The following GRID2 variants were observed in gnomAD, a reference collection of about 807,000 sequenced individuals.
The protein encoded by GRID2 is glutamate ionotropic receptor delta type subunit 2, also known as glutamate receptor ionotropic, delta-2.
In GRID2, 33 loss-of-function variants were observed where a neutral mutation model predicts 114.8. That is an observed-to-expected ratio of 0.29 (90% confidence interval 0.22 to 0.38). The LOEUF is 0.38. Ranked by LOEUF, GRID2 falls within the 10% of genes least tolerant of loss-of-function variation. The pLI is 1.00. For synonymous variants in GRID2, 505 were observed against 449.9 expected, an observed-to-expected ratio of 1.12 and a Z score of -1.55; for missense variants, 1,184 against 1,257.7, an observed-to-expected ratio of 0.94 and a Z score of 0.89.
chr4:93,451,371 A>C (rs902619938), intron 10 of GRID2, among the ~76,000 whole-genome samples: 1 of 152,120 alleles, frequency 6.6e-6, no homozygotes, highest in South Asian at 2.1e-4. Flanking sequence ...TCAAGCTGAC[A>C]TATAGATATA....
At chr4:93,328,695 A>G (rs1230460446) in intron 8 of GRID2, among the ~76,000 whole-genome samples, 1 of 149,574 alleles carries the variant, frequency 6.7e-6, no homozygotes, top group Non-Finnish European at 1.5e-5. Flanking sequence ...GCATGGATGG[A>G]TGGATGGATG....
intron 14 of GRID2, among the ~76,000 whole-genome samples, chr4:93,676,753 C>CA (rs1240505682): frequency 0.032 from 3,687 of 114,020 alleles, 59 homozygotes; most frequent in African/African-American, 0.047. Flanking sequence ...AAAGATATTA[C>CA]AAAAAAAAAA....
chr4:93,342,371 G>A (rs1181112909), intron 8 of GRID2, among the ~76,000 whole-genome samples: 1 of 151,810 alleles, frequency 6.6e-6, no homozygotes, highest in East Asian at 1.9e-4. Context: ...ATTTCCCAGG[G>A]CTATGTATTT....
At chr4:92,479,372 A>G (rs543085277) in intron 1 of GRID2, among the ~76,000 whole-genome samples, 1 of 152,152 alleles carries the variant, frequency 6.6e-6, no homozygotes, top group Admixed American at 6.6e-5. Context: ...AATTTTACCT[A>G]TTACAAACTG....
chr4:92,325,913 A>G (rs1726569576), intron 1 of GRID2, among the ~76,000 whole-genome samples: 1 of 151,792 alleles, frequency 6.6e-6, no homozygotes, highest in African/African-American at 2.4e-5. Flanking sequence ...CTTTATTTAA[A>G]CAATTATCCA....
At chr4:93,144,659 A>T (rs1023109515) in intron 4 of GRID2, among the ~76,000 whole-genome samples, 7 of 152,222 alleles carry the variant, frequency 4.6e-5, no homozygotes, top group African/African-American at 1.7e-4. Flanking sequence ...GAAGCAAAAC[A>T]TAAATGACAG....
chr4:93,076,955 T>G (rs1729383443), intron 2 of GRID2, among the ~76,000 whole-genome samples: 1 of 152,196 alleles, frequency 6.6e-6, no homozygotes, highest in South Asian at 2.1e-4. Flanking sequence ...TCATTCCTGC[T>G]TAGTCTCTTC....
chr4:92,370,983 G>A (rs1380371642), intron 1 of GRID2, among the ~76,000 whole-genome samples: 1 of 152,094 alleles, frequency 6.6e-6, no homozygotes, highest in Non-Finnish European at 1.5e-5. Flanking sequence ...GCTGATATGA[G>A]GAAAGTTTTA....
chr4:92,404,503 A>C (rs995764812), intron 1 of GRID2, among the ~76,000 whole-genome samples: 1 of 152,226 alleles, frequency 6.6e-6, no homozygotes, highest in African/African-American at 2.4e-5. Context: ...TAGAACCAGA[A>C]ATACCATTAG....
intron 2 of GRID2, among the ~76,000 whole-genome samples, chr4:92,738,247 C>T (rs756611525): frequency 2.0e-5 from 3 of 152,042 alleles, no homozygotes; most frequent in Non-Finnish European, 2.9e-5. Flanking sequence ...ACTTGTATAT[C>T]ATAAGCTCTC....
chr4:93,403,541 T>TA (rs1015020242), intron 9 of GRID2, among the ~76,000 whole-genome samples: 5 of 151,680 alleles, frequency 3.3e-5, no homozygotes, highest in Admixed American at 2.6e-4. Flanking sequence ...TAAACAAAAT[T>TA]AAAAAAAATT....
At chr4:92,365,325 T>C (rs1397228083) in intron 1 of GRID2, among the ~76,000 whole-genome samples, 3 of 152,048 alleles carry the variant, frequency 2.0e-5, no homozygotes, top group African/African-American at 7.2e-5. Context: ...TTATTTTATT[T>C]GGGATGGCAT....
chr4:93,431,547 G>C (rs1002103668), intron 10 of GRID2, among the ~76,000 whole-genome samples: 1 of 152,184 alleles, frequency 6.6e-6, no homozygotes, highest in Non-Finnish European at 1.5e-5. Context: ...GGAGTTGTTG[G>C]TTACCCAAGC....
At position 92,387,718 on chromosome 4, in the gene GRID2, G is replaced by C. The variant is rs1170709766; in HGVS notation, c.88+82974G>C. Among the ~76,000 whole-genome samples the C allele has an allele frequency of 2.6e-5, 4 of 151,986 alleles. 1 individual carries two copies. Among genetic ancestry groups the C allele is most frequent in the African/African-American group, 9.7e-5 (4 of 41,416 alleles). On this transcript the variant is annotated intron_variant, in intron 1 of 15. Coordinates refer to ENST00000282020, the MANE Select transcript of GRID2 (RefSeq NM_001510.4). ...AATTCAGAAGCCATTACTAGAACAA[G>C]GAGATGATAGATTACCTATTTAAAG...
intron 2 of GRID2, among the ~76,000 whole-genome samples, chr4:92,672,943 G>A (rs1197927875): frequency 6.6e-6 from 1 of 151,950 alleles, no homozygotes; most frequent in Non-Finnish European, 1.5e-5. Flanking sequence ...GTGTATTTAA[G>A]CCCATTAACC....
In GRID2 at chr4:93,232,272, A is replaced by ATTTTCTATGT. The variant is rs1746237882; in HGVS notation, c.1126-6099_1126-6098insTTTTCTATGT. Among the ~76,000 whole-genome samples the ATTTTCTATGT allele has an allele frequency of 3.3e-5, 5 of 152,288 alleles. 1 individual carries two copies. The South Asian group carries it at 1.0e-3, about 32-fold the overall frequency. On this transcript the variant is annotated intron_variant, in intron 7 of 15. Coordinates refer to ENST00000282020, the MANE Select transcript of GRID2 (RefSeq NM_001510.4). ...ATTCAAAATTATGTGATTGCACATA[A>ATTTTCTATGT]AATCACTGGACATTTTCTATGTATT... is the stretch of plus-strand genomic sequence containing the variant.
chr4:92,550,333 A>T (rs1406235368), intron 1 of GRID2, among the ~76,000 whole-genome samples: 1 of 152,192 alleles, frequency 6.6e-6, no homozygotes, highest in Non-Finnish European at 1.5e-5. Flanking sequence ...CTACAAAAGG[A>T]AAATGTTGTA....
chr4:93,304,836 T>C (rs1250649074), intron 8 of GRID2, among the ~76,000 whole-genome samples: 5 of 152,158 alleles, frequency 3.3e-5, no homozygotes, highest in Admixed American at 2.0e-4. Flanking sequence ...GGCCAAATCG[T>C]GTCCTTCTAG....
chr4:93,742,082 A>T (rs749506081), intron 14 of GRID2, among the ~76,000 whole-genome samples: 3 of 152,108 alleles, frequency 2.0e-5, no homozygotes, highest in African/African-American at 7.2e-5. Flanking sequence ...ATACAATTAA[A>T]CTTTTTTTCT....
Sources: allele counts gnomAD v4.1 joint callset (sites outside exome capture counted in the v4.1 genomes callset), GRCh38; gene constraint gnomAD v4.1.1; transcripts MANE v1.5; gene names NCBI Gene and HGNC (gene_info 2026-07-23, HGNC 2026-07-21).